The following FAM13B variants were observed in gnomAD, a reference collection of about 807,000 sequenced individuals.
The protein encoded by FAM13B is protein FAM13B.
In FAM13B, 60 loss-of-function variants were observed where a neutral mutation model predicts 117.3. That is an observed-to-expected ratio of 0.51 (90% CI 0.42 to 0.63). FAM13B has a LOEUF of 0.63. FAM13B is among the 30% of genes least tolerant of loss of function. FAM13B has a pLI of 0.00. For missense variants in FAM13B, 972 were observed against 1,091.9 expected (o/e 0.89, Z 1.55); for synonymous variants, 332 against 356.1 (o/e 0.93, Z 0.76).
chr5:137,945,645 C>T (rs1214816473), intron 20 of FAM13B, among the ~76,000 whole-genome samples: 1 of 152,154 alleles, frequency 6.6e-6, no homozygotes, highest in African/African-American at 2.4e-5. Flanking sequence ...TGAAATGATG[C>T]TATCATATTC....
At chr5:137,966,459 T>TTATATATATATATATATATATATA (rs373885448) in intron 10 of FAM13B, among the ~76,000 whole-genome samples, 2 of 50,268 alleles carry the variant, frequency 4.0e-5, no homozygotes, top group Non-Finnish European at 7.1e-5. Flanking sequence ...GAAATAGATT[T>TTATATATATATATATATATATATA]TATATATATA....
intron 13 of FAM13B, among the ~76,000 whole-genome samples, chr5:137,958,561 A>T (rs1767228260): frequency 6.6e-6 from 1 of 152,244 alleles, no homozygotes; most frequent in South Asian, 2.1e-4. Context: ...TTGCCAGTGT[A>T]TGTCAACAGA....
chr5:137,949,167 A>C lies in FAM13B; in HGVS notation c.1948T>G (p.Ser650Ala), dbSNP rs1764230232. The C allele has an allele frequency of 6.2e-7, 1 of 1,613,932 alleles. No individual in the cohort carries two copies. The highest frequency in any genetic ancestry group is 8.5e-7 in the Non-Finnish European group (1 of 1,180,008). The stretch of plus-strand genomic sequence containing the variant: ...GTCTGAGGTACAAATTCTCCATCAG[A>C]ATTTTTGTGTTTTGCATCTACATGT... ...KQIKDAKHKN[S>A]DGEFVPQTRP... is the part of the protein sequence containing the mutation. The change falls in exon 18 of 24, where the codon TCT becomes GCT. Residue 650 changes from serine to alanine, a missense_variant. Physicochemically the swap from Ser to Ala is moderately conservative, Grantham distance 99 (BLOSUM62 1). Transcript: ENST00000689681.
At chr5:137,945,803 T>G in intron 20 of FAM13B, 99 bp downstream of exon 20, 1 of 771,768 alleles carries the variant, frequency 1.3e-6, no homozygotes, top group Non-Finnish European at 2.1e-6. Flanking sequence ...TATTTCTGTC[T>G]TGGCTGTGTA....
intron 9 of FAM13B, among the ~76,000 whole-genome samples, chr5:137,986,351 A>AG (rs1388023008): frequency 6.6e-6 from 1 of 151,358 alleles, no homozygotes; most frequent in African/African-American, 2.4e-5. Context: ...TAAAAAAAAA[A>AG]CCACTCCCCA....
intron 1 of FAM13B, among the ~76,000 whole-genome samples, chr5:138,042,594 T>G (rs1791528629): frequency 6.8e-6 from 1 of 148,062 alleles, no homozygotes; most frequent in Non-Finnish European, 1.5e-5. Context: ...AAAGCAAAAC[T>G]AAATCATCAT....
chr5:138,036,114 G>A, upstream of FAM13B: 1 of 324,658 alleles, frequency 3.1e-6, no homozygotes, highest in South Asian at 2.5e-5. Context: ...ACAAGGTTGT[G>A]CACTCCGTAC....
intron 6 of FAM13B, 28 bp downstream of exon 6, chr5:138,010,980 A>G (rs766126321): frequency 1.4e-6 from 2 of 1,461,436 alleles, no homozygotes; most frequent in East Asian, 5.0e-5. Context: ...AAAAAAAAAA[A>G]TTATCCCTCC....
At chr5:138,000,207 G>A (rs1371328188) in intron 7 of FAM13B, among the ~76,000 whole-genome samples, 1 of 152,086 alleles carries the variant, frequency 6.6e-6, no homozygotes, top group East Asian at 1.9e-4. Context: ...AGACTGGCCT[G>A]GGCAACGTAA....
At chr5:137,983,183 A>T (rs1776271815) in intron 10 of FAM13B, among the ~76,000 whole-genome samples, 2 of 5,926 alleles carry the variant, frequency 3.4e-4, no homozygotes, top group African/African-American at 7.7e-4. Context: ...AGGTAAAAAA[A>T]AAAAAAAAAA....
intron 1 of FAM13B, among the ~76,000 whole-genome samples, chr5:138,026,268 T>A (rs1788330095): frequency 6.6e-6 from 1 of 152,164 alleles, no homozygotes; most frequent in African/African-American, 2.4e-5. Context: ...TGAATATATT[T>A]ATTAAAACGT....
At chr5:138,041,666 G>A (rs536532374) in intron 1 of FAM13B, among the ~76,000 whole-genome samples, 1 of 152,200 alleles carries the variant, frequency 6.6e-6, no homozygotes, top group South Asian at 2.1e-4. Context: ...GCTGGGCATG[G>A]TGGTTCACAC....
intron 15 of FAM13B, 94 bp from the exon 16 acceptor site, chr5:137,953,559 A>C: frequency 4.6e-6 from 6 of 1,315,826 alleles, no homozygotes; most frequent in Non-Finnish European, 5.3e-6. Flanking sequence ...CAATAAGTAA[A>C]TCTTAAAGGT....
At chr5:137,959,888 C>T (rs1767662091) in intron 12 of FAM13B, 125 bp from the exon 13 acceptor site, 1 of 839,242 alleles carries the variant, frequency 1.2e-6, no homozygotes, top group South Asian at 1.8e-5. Context: ...GCCAACTGTC[C>T]CACTCCCACT....
chr5:137,954,157 A>G lies in FAM13B; in HGVS notation c.1718+9T>C. 6.2e-7 allele frequency: 1 copy of G among 1,608,716 alleles called. No individual in the cohort carries two copies. Among genetic ancestry groups the G allele is most frequent in the Middle Eastern group, 1.7e-4 (1 of 6,050 alleles). On this transcript the variant is annotated intron_variant, in intron 15 of 23. Coordinates refer to ENST00000689681, the MANE Select transcript of FAM13B (RefSeq NM_001385994.1). ...AATTGCCTCTTGTAAGTACATAAAA[A>G]TCATATACCTAGTAAAAGACAGTGC...
intron 1 of FAM13B, among the ~76,000 whole-genome samples, chr5:138,048,588 T>TTTTTTAGGAGC (rs1465731428): frequency 6.6e-6 from 1 of 152,140 alleles, no homozygotes. Context: ...AAAAGCTCCA[T>TTTTTTAGGAGC]TTTTTAGGAG....
intron 7 of FAM13B, among the ~76,000 whole-genome samples, chr5:138,003,838 T>C (rs1381408471): frequency 1.3e-5 from 2 of 152,230 alleles, no homozygotes; most frequent in Admixed American, 1.3e-4. Flanking sequence ...CATGCCTCTG[T>C]GTTTCTAAAT....
chr5:138,004,274 A>G (rs1781991522), intron 7 of FAM13B, among the ~76,000 whole-genome samples: 1 of 147,968 alleles, frequency 6.8e-6, no homozygotes, highest in Admixed American at 6.8e-5. Context: ...ATCTCAAAAA[A>G]AAAAACAAAA....
rs189646167 is a variant in FAM13B at position 137,987,655 on chromosome 5, A to C, written c.891-39T>G. 9.5e-6 allele frequency: 15 copies of C among 1,574,048 alleles called. No individual in the cohort carries two copies. In the Admixed American group the frequency reaches 2.7e-4, roughly 28 times the overall value. ...CGTTTTAGTAAGAAGCAGTCACTCTAACTGGATATCTGGTGACACAGACAT... is the reference window on the plus strand; with the variant it reads ...CGTTTTAGTAAGAAGCAGTCACTCTCACTGGATATCTGGTGACACAGACAT... On this transcript the variant is annotated intron_variant, in intron 8 of 23. Coordinates refer to ENST00000689681, the MANE Select transcript of FAM13B (RefSeq NM_001385994.1).
Sources: gnomAD v4.1 joint callset for allele counts (sites outside exome capture counted in the v4.1 genomes callset) on GRCh38, gnomAD v4.1.1 for gene constraint, MANE v1.5 for transcripts, NCBI Gene and HGNC (gene_info 2026-07-23, HGNC 2026-07-21) for gene names.